The following ARSK variants were observed in gnomAD, a reference collection of about 807,000 sequenced individuals.
ARSK encodes arylsulfatase family member K, also known as arylsulfatase K.
A neutral mutation model predicts 53.2 loss-of-function variants in ARSK; 37 were observed. The observed-to-expected ratio is 0.70, with a 90% CI of 0.54 to 0.92. ARSK has a LOEUF of 0.92. Among genes scored for constraint, ARSK ranks in the 40% least tolerant of loss-of-function variants. The pLI is 0.00. For synonymous variants in ARSK, 208 were observed against 223.2 expected (o/e 0.93, Z 0.61); for missense variants, 613 against 643.0 (o/e 0.95, Z 0.51).
chr5:95,595,993 C>T (rs772862959), intron 6 of ARSK, among the ~76,000 whole-genome samples: 2 of 152,250 alleles, frequency 1.3e-5, no homozygotes, highest in Non-Finnish European at 2.9e-5. Flanking sequence ...TCCAAATTAG[C>T]AGGTTTTTAG....
At chr5:95,558,278 A>C (rs1337559130) in intron 1 of ARSK, among the ~76,000 whole-genome samples, 1 of 152,208 alleles carries the variant, frequency 6.6e-6, no homozygotes, top group Non-Finnish European at 1.5e-5. Context: ...CTAGCTCTCT[A>C]GTAGGACAGA....
chr5:95,562,666 T>A (rs1748662381), intron 1 of ARSK, among the ~76,000 whole-genome samples: 1 of 151,882 alleles, frequency 6.6e-6, no homozygotes, highest in South Asian at 2.1e-4. Flanking sequence ...GGGGGAAAAA[T>A]GTGTGGACCC....
At chr5:95,568,996 C>T (rs537076941) in intron 3 of ARSK, among the ~76,000 whole-genome samples, 5 of 152,304 alleles carry the variant, frequency 3.3e-5, no homozygotes, top group East Asian at 1.9e-4. Flanking sequence ...AGACTCCAAC[C>T]GGACACTTGT....
intron 6 of ARSK, among the ~76,000 whole-genome samples, chr5:95,596,757 A>T (rs1749315215): frequency 6.6e-6 from 1 of 152,148 alleles, no homozygotes; most frequent in African/African-American, 2.4e-5. Flanking sequence ...TAATAAACCT[A>T]TCTTACTATC....
At chr5:95,576,188 G>A (rs1383410890) in intron 3 of ARSK, among the ~76,000 whole-genome samples, 4 of 149,376 alleles carry the variant, frequency 2.7e-5, no homozygotes, top group African/African-American at 1.0e-4. Context: ...GATGTCTCAC[G>A]TAAGTGTATA....
In ARSK at chr5:95,572,715, TTGCAGCGAGCCGAGATTGCACCAC is replaced by T. The variant is rs368257804; in HGVS notation, c.416+4672_416+4695del. ...ATGGCGTGAACCCGGGAGGCGGAGC[TTGCAGCGAGCCGAGATTGCACCAC>T]TGCAGTCCGGCCTGGGTGAAAGAGC... On this transcript the variant is annotated intron_variant, in intron 3 of 7. Coordinates refer to ENST00000380009, the MANE Select transcript of ARSK (RefSeq NM_198150.3). Among the ~76,000 whole-genome samples the T allele has an allele frequency of 9.2e-3, 1,404 of 152,242 alleles. 20 individuals are homozygous for T. Among genetic ancestry groups the T allele is most frequent in the African/African-American group, 0.032 (1,336 of 41,534 alleles).
At chr5:95,572,735 A>T (rs963081315) in intron 3 of ARSK, among the ~76,000 whole-genome samples, 1 of 149,340 alleles carries the variant, frequency 6.7e-6, no homozygotes, top group African/African-American at 2.6e-5. Flanking sequence ...CCGAGATTGC[A>T]CCACTGCAGT....
intron 6 of ARSK, among the ~76,000 whole-genome samples, chr5:95,594,040 G>A (rs895867606): frequency 2.0e-5 from 3 of 152,082 alleles, no homozygotes; most frequent in African/African-American, 4.8e-5. Flanking sequence ...TAACATCTTC[G>A]TGGCTTAGCA....
chr5:95,565,528 G>A (rs950457791), intron 1 of ARSK, among the ~76,000 whole-genome samples: 16 of 152,022 alleles, frequency 1.1e-4, no homozygotes, highest in African/African-American at 2.4e-4. Context: ...ACTGTCTAAC[G>A]TAGGTCTCTC....
chr5:95,590,194 G>A (rs1749188429), intron 5 of ARSK, among the ~76,000 whole-genome samples: 1 of 152,162 alleles, frequency 6.6e-6, no homozygotes, highest in South Asian at 2.1e-4. Context: ...GGGTCATAAA[G>A]GAAGAATAGG....
At chr5:95,591,262 C>A in intron 5 of ARSK, 139 bp from the exon 6 acceptor site, 1 of 732,344 alleles carries the variant, frequency 1.4e-6, no homozygotes, top group Non-Finnish European at 2.2e-6. Flanking sequence ...TTAGACTTAA[C>A]TTGAGAACAG....
chr5:95,578,896 A>C (rs1748974281), intron 3 of ARSK, among the ~76,000 whole-genome samples: 1 of 152,256 alleles, frequency 6.6e-6, no homozygotes, highest in African/African-American at 2.4e-5. Context: ...AGTAATGGCA[A>C]ATATACAAAT....
chr5:95,567,093 T>C (rs1419113794), intron 2 of ARSK, among the ~76,000 whole-genome samples: 1 of 152,178 alleles, frequency 6.6e-6, no homozygotes, highest in African/African-American at 2.4e-5. Flanking sequence ...ATCTGCAAAT[T>C]GCTGTGTATA....
intron 6 of ARSK, chr5:95,600,496 A>C (rs773927194): frequency 7.9e-5 from 30 of 381,030 alleles, no homozygotes; most frequent in Non-Finnish European, 1.3e-4. Context: ...AGTGATATTA[A>C]CTATTTGTTG....
At chr5:95,578,308 T>A (rs1193146912) in intron 3 of ARSK, among the ~76,000 whole-genome samples, 2 of 151,434 alleles carry the variant, frequency 1.3e-5, no homozygotes, top group Non-Finnish European at 2.9e-5. Context: ...CATACCGCCA[T>A]GCCCAGTGAA....
chr5:95,597,903 A>T (rs1192905054), intron 6 of ARSK, among the ~76,000 whole-genome samples: 1 of 140,524 alleles, frequency 7.1e-6, no homozygotes, highest in Non-Finnish European at 1.5e-5. Flanking sequence ...CAAAAAAAAA[A>T]AGTGGGGGGC....
At chr5:95,564,427 C>CTTTA (rs1225577720) in intron 1 of ARSK, among the ~76,000 whole-genome samples, 1 of 152,192 alleles carries the variant, frequency 6.6e-6, no homozygotes, top group Non-Finnish European at 1.5e-5. Flanking sequence ...AAAGAACTGA[C>CTTTA]TTTAATCCCA....
At chr5:95,582,108 A>C (rs1032099495) in intron 3 of ARSK, among the ~76,000 whole-genome samples, 1 of 152,072 alleles carries the variant, frequency 6.6e-6, no homozygotes, top group Non-Finnish European at 1.5e-5. Flanking sequence ...TTTTTAAAAC[A>C]CTTTTCTCAA....
chr5:95,581,573 C>T (rs1749020594), intron 3 of ARSK, among the ~76,000 whole-genome samples: 2 of 152,222 alleles, frequency 1.3e-5, no homozygotes. Context: ...TCATGTAATA[C>T]TCTCTGATTG....
Sources: gnomAD v4.1 joint callset for allele counts (sites outside exome capture counted in the v4.1 genomes callset) on GRCh38, gnomAD v4.1.1 for gene constraint, MANE v1.5 for transcripts, NCBI Gene and HGNC (gene_info 2026-07-23, HGNC 2026-07-21) for gene names.